Variants in GPD1L observed in about 807,000 individuals in gnomAD.
The protein encoded by GPD1L is glycerol-3-phosphate dehydrogenase 1-like protein.
A neutral mutation model predicts 32.9 loss-of-function variants in GPD1L; 17 were observed. That is an observed-to-expected ratio of 0.52 (90% confidence interval 0.35 to 0.78). The LOEUF (loss-of-function observed/expected upper bound fraction) is 0.78, where lower values mean the gene tolerates loss of function less well. Ranked by LOEUF, GPD1L falls within the 30% of genes least tolerant of loss-of-function variation. The probability of loss-of-function intolerance (pLI) is 0.01; values close to 1 mark genes in which losing one functional copy is unlikely to be tolerated. For missense variants in GPD1L, 361 were observed against 447.8 expected (o/e 0.81, Z 1.75); for synonymous variants, 187 against 165.9 (o/e 1.13, Z -0.98).
At chr3:32,146,083 CTT>C (rs59106750) in intron 4 of GPD1L, among the ~76,000 whole-genome samples, 178 of 126,136 alleles carry the variant, frequency 1.4e-3, no homozygotes, top group African/African-American at 4.8e-3. Flanking sequence ...ATGCTTTTTT[CTT>C]TTTTTTTTTT....
chr3:32,156,947 C>CT (rs1488003820), intron 5 of GPD1L, among the ~76,000 whole-genome samples: 2 of 107,872 alleles, frequency 1.9e-5, no homozygotes, highest in African/African-American at 9.6e-5. Flanking sequence ...TCTGTACAGT[C>CT]ACAGGTATTA....
chr3:32,148,646 T>G (rs1378485914), intron 5 of GPD1L, among the ~76,000 whole-genome samples: 2 of 152,206 alleles, frequency 1.3e-5, no homozygotes, highest in African/African-American at 4.8e-5. Context: ...TAGCAAACAC[T>G]GGCACACTCG....
rs1294517971 is a variant in GPD1L at position 32,106,992 on chromosome 3, C to A, written c.47+234C>A. On this transcript the variant is annotated intron_variant, in intron 1 of 7. Coordinates refer to ENST00000282541, the MANE Select transcript of GPD1L (RefSeq NM_015141.4). The surrounding 1 kb of genome is among the most constrained non-coding windows in gnomAD (Gnocchi z 4.0). The stretch of plus-strand genomic sequence containing the variant: ...TGCGGGGGACAGCGCGGAGAGAGGG[C>A]ACCCCGAGCACGCGGGCACCTGTCT... Among the ~76,000 whole-genome samples the A allele has an allele frequency of 6.6e-6, 1 of 152,200 alleles. No homozygotes were observed. Among genetic ancestry groups the A allele is most frequent in the Non-Finnish European group, 1.5e-5 (1 of 68,032 alleles).
intron 1 of GPD1L, among the ~76,000 whole-genome samples, chr3:32,118,673 C>T (rs559341638): frequency 2.0e-5 from 3 of 152,148 alleles, no homozygotes; most frequent in East Asian, 3.9e-4. Context: ...TCACATTGTT[C>T]GTATTGAAAA....
intron 1 of GPD1L, among the ~76,000 whole-genome samples, chr3:32,115,758 C>CATTTTTTTT (rs1700323537): frequency 4.4e-5 from 2 of 44,994 alleles, no homozygotes; most frequent in Non-Finnish European, 9.7e-5. Context: ...GTACGTTGAA[C>CATTTTTTTT]TTTTTTTTTT....
At chr3:32,136,500 A>C (rs1450019796) in intron 2 of GPD1L, among the ~76,000 whole-genome samples, 1 of 152,210 alleles carries the variant, frequency 6.6e-6, no homozygotes, top group Non-Finnish European at 1.5e-5. Flanking sequence ...AACTTCTAGA[A>C]AGAAGGGGAA....
intron 2 of GPD1L, among the ~76,000 whole-genome samples, chr3:32,131,903 T>C (rs1014083329): frequency 6.6e-6 from 1 of 152,244 alleles, no homozygotes; most frequent in Non-Finnish European, 1.5e-5. Flanking sequence ...GTGCTTGCTG[T>C]TATCTGACTT....
chr3:32,125,559 T>C lies in GPD1L; in HGVS notation c.48-2517T>C, dbSNP rs910698572. Among the ~76,000 whole-genome samples the C allele has an allele frequency of 8.5e-5, 13 of 152,332 alleles. 1 individual carries two copies. The highest frequency in any genetic ancestry group is 3.1e-4 in the African/African-American group (13 of 41,572). On this transcript the variant is annotated intron_variant, in intron 1 of 7. Coordinates refer to ENST00000282541, the MANE Select transcript of GPD1L (RefSeq NM_015141.4). ...CCATTATGGTTCTCTTAATAGAAGGTTGAGCCTGGGAGACTTGTCATGGAT... is the reference window on the plus strand; with the variant it reads ...CCATTATGGTTCTCTTAATAGAAGGCTGAGCCTGGGAGACTTGTCATGGAT...
intron 2 of GPD1L, among the ~76,000 whole-genome samples, chr3:32,134,289 C>A (rs1700628568): frequency 1.3e-5 from 2 of 152,154 alleles, no homozygotes; most frequent in South Asian, 4.1e-4. Flanking sequence ...ACCATGCACA[C>A]CATAAAAATA....
intron 1 of GPD1L, among the ~76,000 whole-genome samples, chr3:32,115,131 GTTTTACAGAGTGCTGATTGGTCCA>G (rs1315096466): frequency 6.6e-6 from 1 of 152,118 alleles, no homozygotes; most frequent in East Asian, 1.9e-4. Context: ...TGATTGGTCC[GTTTTACAGAGTGCTGATTGGTCCA>G]TTTTACAGAG....
At chr3:32,159,466 A>T (rs1343955564) in intron 6 of GPD1L, 102 bp from the exon 7 acceptor site, 1 of 221,660 alleles carries the variant, frequency 4.5e-6, no homozygotes. Flanking sequence ...CCCATTCTCT[A>T]AAAAAAAAAA....
intron 7 of GPD1L, among the ~76,000 whole-genome samples, chr3:32,162,419 C>T (rs1701085845): frequency 1.7e-5 from 1 of 57,620 alleles, no homozygotes; most frequent in South Asian, 6.3e-4. Context: ...CGCTCTGTCG[C>T]CCAGGCCGGA....
At chr3:32,153,791 T>C (rs1700952071) in intron 5 of GPD1L, among the ~76,000 whole-genome samples, 1 of 152,136 alleles carries the variant, frequency 6.6e-6, no homozygotes, top group African/African-American at 2.4e-5. Flanking sequence ...TCTCCTGTTC[T>C]TTATTCTTTT....
rs115658842 is a variant in GPD1L, at chr3:32,140,010, C to T, written c.367-218C>T. 5.9e-3 allele frequency among the ~76,000 whole-genome samples: 900 copies of T among 152,292 alleles called. 4 individuals carry two copies. Among genetic ancestry groups the T allele is most frequent in the Non-Finnish European group, 1.0e-2 (678 of 68,014 alleles). Reference sequence around the variant, plus strand: ...TTGAGAGGAGACACACAGGGGACTTCAGTGGTGTCAGTCACGTTCTATTTC... The same window carrying T: ...TTGAGAGGAGACACACAGGGGACTTTAGTGGTGTCAGTCACGTTCTATTTC... On this transcript the variant is annotated intron_variant, in intron 3 of 7. Transcript: ENST00000282541.
At chr3:32,132,828 C>T (rs1219062245) in intron 2 of GPD1L, among the ~76,000 whole-genome samples, 1 of 152,094 alleles carries the variant, frequency 6.6e-6, no homozygotes, top group African/African-American at 2.4e-5. Flanking sequence ...CTGGGGAATC[C>T]AGGCGATGGA....
intron 1 of GPD1L, among the ~76,000 whole-genome samples, chr3:32,107,335 T>C (rs1044587893): frequency 7.2e-5 from 11 of 152,260 alleles, no homozygotes; most frequent in African/African-American, 2.7e-4. Context: ...CCGCTCTCCC[T>C]GAGGCGTTGA....
At chr3:32,133,462 A>G (rs1457371417) in intron 2 of GPD1L, among the ~76,000 whole-genome samples, 1 of 152,202 alleles carries the variant, frequency 6.6e-6, no homozygotes, top group African/African-American at 2.4e-5. Flanking sequence ...AAGATATAAA[A>G]TATTACTTTA....
intron 2 of GPD1L, among the ~76,000 whole-genome samples, chr3:32,131,859 G>GTGTGAA (rs1024369313): frequency 6.6e-6 from 1 of 152,180 alleles, no homozygotes; most frequent in Non-Finnish European, 1.5e-5. Context: ...TATCAACAGT[G>GTGTGAA]TGTGAATGTT....
chr3:32,156,055 A>G (rs1050218574), intron 5 of GPD1L, among the ~76,000 whole-genome samples: 21 of 152,130 alleles, frequency 1.4e-4, no homozygotes, highest in African/African-American at 4.8e-4. Flanking sequence ...TGGCTGTCCC[A>G]TCCTGACTCG....
Sources: allele counts gnomAD v4.1 joint callset (sites outside exome capture counted in the v4.1 genomes callset), GRCh38; gene constraint gnomAD v4.1.1; non-coding constraint Gnocchi (gnomAD v3.1); transcripts MANE v1.5; gene names NCBI Gene and HGNC (gene_info 2026-07-23, HGNC 2026-07-21).